The following CNTN4 variants were observed in gnomAD, a reference collection of about 807,000 sequenced individuals.
The protein encoded by CNTN4 is contactin-4.
Under a neutral mutation model 122.5 loss-of-function variants are expected in CNTN4, and 77 were observed. The ratio of observed to expected loss-of-function variants is 0.63; its 90% CI spans 0.52 to 0.76. CNTN4 has a LOEUF of 0.76. Among genes scored for constraint, CNTN4 ranks in the 30% least tolerant of loss-of-function variants. The pLI is 0.00. For synonymous variants in CNTN4, 512 were observed against 447.0 expected (o/e 1.15, Z -1.83); for missense variants, 1,256 against 1,259.1 (o/e 1.00, Z 0.04).
chr3:2,809,819 A>T (rs569051454), intron 6 of CNTN4, among the ~76,000 whole-genome samples: 17 of 152,210 alleles, frequency 1.1e-4, no homozygotes, highest in South Asian at 1.0e-3. Context: ...ACACACAGGG[A>T]AACTCAGACA....
chr3:2,680,190 G>A (rs906343393), intron 4 of CNTN4, among the ~76,000 whole-genome samples: 4 of 152,150 alleles, frequency 2.6e-5, no homozygotes, highest in African/African-American at 9.7e-5. Flanking sequence ...AATATGTGGT[G>A]TAATAGATAC....
At chr3:2,260,418 T>C (rs1575197882) in intron 2 of CNTN4, among the ~76,000 whole-genome samples, 1 of 152,226 alleles carries the variant, frequency 6.6e-6, no homozygotes, top group South Asian at 2.1e-4. Flanking sequence ...AGATAATAAA[T>C]GTGAAAATGT....
chr3:2,340,466 C>G (rs559333783), intron 3 of CNTN4, among the ~76,000 whole-genome samples: 33 of 150,878 alleles, frequency 2.2e-4, no homozygotes, highest in Non-Finnish European at 4.4e-4. Flanking sequence ...TTTTAACACC[C>G]TCAGTTAAAA....
rs1371565272 is a variant in CNTN4 at position 2,798,375 on chromosome 3, A to ACCTATCTATCTATCTATCTATCTT, written c.359-21111_359-21110insCCTATCTATCTATCTATCTATCTT. On this transcript the variant is annotated intron_variant, in intron 6 of 24. Transcript: ENST00000418658. The stretch of plus-strand genomic sequence containing the variant: ...TATCTATACACACATAAATCTATCT[A>ACCTATCTATCTATCTATCTATCTT]TCTATCTATCTATCTATATATCTAT... Among the ~76,000 whole-genome samples, 942 of 149,974 alleles carry ACCTATCTATCTATCTATCTATCTT rather than the reference A, an allele frequency of 6.3e-3. 4 individuals carry two copies. The highest frequency in any genetic ancestry group is 0.022 in the African/African-American group (894 of 40,850).
intron 13 of CNTN4, among the ~76,000 whole-genome samples, chr3:2,928,639 T>G (rs1431923988): frequency 6.6e-6 from 1 of 152,198 alleles, no homozygotes; most frequent in Non-Finnish European, 1.5e-5. Flanking sequence ...AAAATATTAT[T>G]AATCCCTTAA....
At chr3:2,763,899 T>C (rs2090716251) in intron 6 of CNTN4, among the ~76,000 whole-genome samples, 1 of 152,176 alleles carries the variant, frequency 6.6e-6, no homozygotes, top group Admixed American at 6.6e-5. Flanking sequence ...ATAGTATAGT[T>C]TGAAGTTGGG....
chr3:2,721,979 CT>C (rs2087884784), intron 4 of CNTN4, among the ~76,000 whole-genome samples: 1 of 152,146 alleles, frequency 6.6e-6, no homozygotes, highest in African/African-American at 2.4e-5. Flanking sequence ...AATGGGTGCC[CT>C]CTATGAACCA....
chr3:2,822,990 C>T (rs1238930577), intron 7 of CNTN4, among the ~76,000 whole-genome samples: 1 of 152,128 alleles, frequency 6.6e-6, no homozygotes, highest in Admixed American at 6.5e-5. Flanking sequence ...GAGAAAAGAA[C>T]AAAGAAGATA....
Position 2,997,688 on chromosome 3 carries a change from GATTT to G in CNTN4, c.1486+9218_1486+9221del, listed in dbSNP as rs1695655831. Among the ~76,000 whole-genome samples, 3 of 152,276 alleles carry G rather than the reference GATTT, an allele frequency of 2.0e-5. No individual in the cohort carries two copies. The South Asian group carries it at 6.2e-4, about 32-fold the overall frequency. On this transcript the variant is annotated intron_variant, in intron 14 of 24. Transcript: ENST00000418658. ...ATTAACATTTTCATCATCTCTCTCTGATTTACTGTAGAAGATCCATTTCTAAAAA... is the reference window on the plus strand; with the variant it reads ...ATTAACATTTTCATCATCTCTCTCTGACTGTAGAAGATCCATTTCTAAAAA...
chr3:3,035,670 C>T (rs1699538744), intron 17 of CNTN4, among the ~76,000 whole-genome samples: 1 of 152,204 alleles, frequency 6.6e-6, no homozygotes, highest in Non-Finnish European at 1.5e-5. Context: ...AATCTTCCCA[C>T]CTCAGCCTGT....
intron 2 of CNTN4, among the ~76,000 whole-genome samples, chr3:2,188,606 G>A (rs1305710718): frequency 6.6e-6 from 1 of 152,156 alleles, no homozygotes; most frequent in African/African-American, 2.4e-5. Flanking sequence ...CTGGGTTCTA[G>A]GGAGGGATAC....
intron 3 of CNTN4, among the ~76,000 whole-genome samples, chr3:2,440,134 C>G (rs1663644685): frequency 6.6e-6 from 1 of 152,130 alleles, no homozygotes; most frequent in Admixed American, 6.6e-5. Flanking sequence ...CTGTCCAGAT[C>G]ACTTTTTTTA....
intron 3 of CNTN4, among the ~76,000 whole-genome samples, chr3:2,403,334 T>G (rs1460660420): frequency 3.9e-5 from 6 of 152,114 alleles, no homozygotes; most frequent in Non-Finnish European, 7.4e-5. Context: ...CTTCAATATA[T>G]TAATGTGAAG....
chr3:2,188,684 G>T (rs2037386453), intron 2 of CNTN4, among the ~76,000 whole-genome samples: 1 of 152,168 alleles, frequency 6.6e-6, no homozygotes, highest in African/African-American at 2.4e-5. Flanking sequence ...GAACCAGACA[G>T]AAAGGCAGTA....
At chr3:2,202,991 A>AT (rs5846170) in intron 2 of CNTN4, among the ~76,000 whole-genome samples, 50,171 of 139,796 alleles carry the variant, frequency 0.36, 9,282 homozygotes, top group Non-Finnish European at 0.44. Flanking sequence ...CTGGCTAATT[A>AT]TTTTTTTTTT....
At chr3:2,622,480 A>G (rs898672081) in intron 4 of CNTN4, among the ~76,000 whole-genome samples, 1 of 151,758 alleles carries the variant, frequency 6.6e-6, no homozygotes, top group African/African-American at 2.4e-5. Flanking sequence ...TTTAGTAGAG[A>G]TGGGTTGGAC....
At chr3:2,276,943 A>G (rs879698304) in intron 2 of CNTN4, among the ~76,000 whole-genome samples, 21 of 152,190 alleles carry the variant, frequency 1.4e-4, no homozygotes, top group Non-Finnish European at 2.5e-4. Flanking sequence ...ATAGTGATAT[A>G]GTATAGATTA....
intron 18 of CNTN4, among the ~76,000 whole-genome samples, chr3:3,038,326 T>C (rs1458397299): frequency 6.6e-6 from 1 of 152,118 alleles, no homozygotes; most frequent in Non-Finnish European, 1.5e-5. Flanking sequence ...ATCAAAGAGG[T>C]TAAGCTCAGT....
At chr3:2,804,945 C>G (rs1436242738) in intron 6 of CNTN4, among the ~76,000 whole-genome samples, 5 of 152,072 alleles carry the variant, frequency 3.3e-5, no homozygotes, top group African/African-American at 1.2e-4. Context: ...GAGGCTGAGG[C>G]GGGCGGATCA....
Sources: allele counts gnomAD v4.1 joint callset (sites outside exome capture counted in the v4.1 genomes callset), GRCh38; gene constraint gnomAD v4.1.1; transcripts MANE v1.5; gene names NCBI Gene and HGNC (gene_info 2026-07-23, HGNC 2026-07-21).